The following ETV7 variants were observed in gnomAD, a reference collection of about 807,000 sequenced individuals.
The protein encoded by ETV7 is ETS variant transcription factor 7.
A neutral mutation model predicts 39.1 loss-of-function variants in ETV7; 43 were observed. The ratio of observed to expected loss-of-function variants is 1.10; its 90% CI spans 0.86 to 1.42. The LOEUF is 1.42. Ranked by LOEUF, ETV7 falls within the 40% of genes most tolerant of loss-of-function variation. The probability of loss-of-function intolerance (pLI) is 0.00; values close to 1 mark genes in which losing one functional copy is unlikely to be tolerated. For synonymous variants in ETV7, 196 were observed against 176.6 expected, an observed-to-expected ratio of 1.11 and a Z score of -0.87; for missense variants, 432 against 442.3, an observed-to-expected ratio of 0.98 and a Z score of 0.21.
downstream of ETV7, among the ~76,000 whole-genome samples, chr6:36,365,620 G>T (rs1331992605): frequency 6.6e-6 from 1 of 152,174 alleles, no homozygotes; most frequent in Non-Finnish European, 1.5e-5. Flanking sequence ...AGGATGAGGG[G>T]GCTGGGCCAA....
intron 2 of ETV7, among the ~76,000 whole-genome samples, chr6:36,379,662 G>A (rs1303322159): frequency 6.6e-6 from 1 of 151,874 alleles, no homozygotes; most frequent in African/African-American, 2.4e-5. Flanking sequence ...CAGATCATAA[G>A]GTCAGGAGTT....
chr6:36,354,695 A>T (rs75688032), intron 7 of ETV7: 5 of 269,800 alleles, frequency 1.9e-5, no homozygotes, highest in East Asian at 8.1e-5. Flanking sequence ...TTTCTGCAAT[A>T]AAAAAAAAAA....
intron 5 of ETV7, among the ~76,000 whole-genome samples, chr6:36,371,129 G>A (rs1363206816): frequency 6.6e-6 from 1 of 152,178 alleles, no homozygotes; most frequent in Non-Finnish European, 1.5e-5. Flanking sequence ...TGGGAGACAG[G>A]GTGAGGCTTG....
In ETV7 at chr6:36,375,899, G is replaced by T; in HGVS notation, c.279C>A (p.Asp93Glu). 6.2e-7 allele frequency: 1 copy of T among 1,614,056 alleles called. No homozygotes were observed. Among genetic ancestry groups the T allele is most frequent in the African/African-American group, 1.3e-5 (1 of 75,052 alleles). ...AGCTGGGCGCACGGTGCCGGAAGTC[G>T]TCCTTGGTGAGGATGCAGAGGGCGC... ...NGRALCILTK[D>E]DFRHRAPSSG... Residue 93 changes from aspartate (D) to glutamate (E), a missense_variant, in exon 3 of 8, where the codon GAC becomes GAA. Asp to Glu is a conservative substitution (Grantham distance 45). Transcript: ENST00000340181.
chr6:36,387,215 C>T (rs897355675), intron 1 of ETV7, among the ~76,000 whole-genome samples: 1 of 152,056 alleles, frequency 6.6e-6, no homozygotes, highest in Non-Finnish European at 1.5e-5. Flanking sequence ...GGCTGGCGCA[C>T]GAACTTCCAA....
downstream of ETV7, among the ~76,000 whole-genome samples, chr6:36,363,605 G>C (rs961492143): frequency 5.3e-5 from 8 of 152,250 alleles, no homozygotes; most frequent in African/African-American, 1.9e-4. Context: ...GGTGTCAAAG[G>C]GGACCAGAAC....
At chr6:36,371,628 T>G in intron 4 of ETV7, 68 bp from the exon 5 acceptor site, 1 of 1,351,218 alleles carries the variant, frequency 7.4e-7, no homozygotes, top group East Asian at 2.5e-5. Context: ...AATCCCTCAA[T>G]GGTGAGCCTG....
At chr6:36,385,201 T>A (rs970561741) in intron 2 of ETV7, among the ~76,000 whole-genome samples, 4 of 151,794 alleles carry the variant, frequency 2.6e-5, no homozygotes, top group Non-Finnish European at 5.9e-5. Flanking sequence ...AAGGGCCAGG[T>A]ATAGTGGTTC....
intron 4 of ETV7, among the ~76,000 whole-genome samples, chr6:36,372,698 T>C (rs965197271): frequency 5.2e-5 from 5 of 95,332 alleles, no homozygotes; most frequent in African/African-American, 2.1e-4. Flanking sequence ...TTTGTGGGGC[T>C]GGGGAAGACT....
downstream of ETV7, among the ~76,000 whole-genome samples, chr6:36,363,161 T>A (rs1582168105): frequency 6.6e-6 from 1 of 152,222 alleles, no homozygotes; most frequent in Non-Finnish European, 1.5e-5. Context: ...GGGTTCTTGG[T>A]CTCACTGACT....
At chr6:36,372,294 G>A (rs1490642896) in intron 4 of ETV7, among the ~76,000 whole-genome samples, 2 of 152,152 alleles carry the variant, frequency 1.3e-5, no homozygotes, top group African/African-American at 4.8e-5. Flanking sequence ...AAGGCCCGAA[G>A]GCCCGTGTGT....
At chr6:36,357,896 A>G (rs1377720116) in intron 7 of ETV7, among the ~76,000 whole-genome samples, 3 of 151,350 alleles carry the variant, frequency 2.0e-5, no homozygotes, top group Non-Finnish European at 4.4e-5. Context: ...AAACAAAAAC[A>G]AACAAAAAAA....
At chr6:36,378,269 C>G (rs1441404691) in intron 2 of ETV7, among the ~76,000 whole-genome samples, 1 of 148,186 alleles carries the variant, frequency 6.7e-6, no homozygotes, top group African/African-American at 2.5e-5. Context: ...TGACTCTCCA[C>G]CTGGAAAAAA....
chr6:36,369,381 C>T lies in ETV7; in HGVS notation c.665-310G>A, dbSNP rs78392035. On this transcript the variant is annotated intron_variant, in intron 5 of 7. Transcript: ENST00000340181. Reference sequence around the variant, plus strand: ...GGTAGAGCAGGGAGTCTGACCGGCTCCACCCAGCATCAGAGCCATGTGAGG... The same window carrying T: ...GGTAGAGCAGGGAGTCTGACCGGCTTCACCCAGCATCAGAGCCATGTGAGG... 3.0e-3 allele frequency among the ~76,000 whole-genome samples: 450 copies of T among 152,294 alleles called. 5 individuals are homozygous for T. The highest frequency in any genetic ancestry group is 0.025 in the South Asian group (121 of 4,826).
At chr6:36,369,584 C>T (rs973109895) in intron 5 of ETV7, among the ~76,000 whole-genome samples, 7 of 152,196 alleles carry the variant, frequency 4.6e-5, no homozygotes, top group African/African-American at 9.7e-5. Flanking sequence ...AGTGGGCATC[C>T]GGGAGCAACT....
chr6:36,359,527 G>A (rs1408246703), intron 7 of ETV7, among the ~76,000 whole-genome samples: 1 of 152,124 alleles, frequency 6.6e-6, no homozygotes, highest in Non-Finnish European at 1.5e-5. Flanking sequence ...AAGTGACATA[G>A]GTAAAGATGA....
Position 36,376,050 on chromosome 6 carries a change from G to A in ETV7, c.143-15C>T, listed in dbSNP as rs1368553375. 6.3e-7 allele frequency: 1 copy of A among 1,590,034 alleles called. No individual in the cohort carries two copies. The highest frequency in any genetic ancestry group is 1.3e-5 in the African/African-American group (1 of 74,688). On this transcript the variant is annotated splice_polypyrimidine_tract_variant and intron_variant, in intron 2 of 7. Transcript: ENST00000340181. ...GGGCTGGATGCCTGCAACCAGCAAG[G>A]ACCAGTCCCATCACTCCCCGTCGGG... is the stretch of plus-strand genomic sequence containing the variant.
intron 4 of ETV7, among the ~76,000 whole-genome samples, 177 bp downstream of exon 4, chr6:36,373,276 G>T (rs1773126501): frequency 6.6e-6 from 1 of 150,584 alleles, no homozygotes; most frequent in Non-Finnish European, 1.5e-5. Context: ...GGCATGGAGG[G>T]TGCAGCACAG....
chr6:36,363,877 A>AC (rs1185267691), downstream of ETV7, among the ~76,000 whole-genome samples: 2 of 152,088 alleles, frequency 1.3e-5, no homozygotes, highest in African/African-American at 4.8e-5. Flanking sequence ...TGAGCTAGAC[A>AC]CAGGGTGCTG....
Sources: allele counts gnomAD v4.1 joint callset (sites outside exome capture counted in the v4.1 genomes callset), GRCh38; gene constraint gnomAD v4.1.1; transcripts MANE v1.5; gene names NCBI Gene and HGNC (gene_info 2026-07-23, HGNC 2026-07-21).